The following NOTCH4 variants were observed in gnomAD, a reference collection of about 807,000 sequenced individuals.
NOTCH4 encodes the protein notch receptor 4.
NOTCH4 carries 138 observed loss-of-function variants against 189.0 expected under a neutral mutation model. That is an observed-to-expected ratio of 0.73 (90% CI 0.64 to 0.84). The LOEUF is 0.84. Ranked by LOEUF, NOTCH4 falls within the 40% of genes least tolerant of loss-of-function variation. The pLI is 0.00. For missense variants in NOTCH4, 2,286 were observed against 2,605.4 expected, an observed-to-expected ratio of 0.88 and a Z score of 2.67; for synonymous variants, 942 against 1,032.8, an observed-to-expected ratio of 0.91 and a Z score of 1.69.
intron 4 of NOTCH4, 34 bp downstream of exon 4, chr6:32,220,944 G>C (rs1789729048): frequency 3.1e-6 from 5 of 1,594,484 alleles, no homozygotes; most frequent in Non-Finnish European, 4.3e-6. Flanking sequence ...TGCCCAGAGA[G>C]AGGGGCGGCC....
At chr6:32,214,631 AT>A (rs9279511) in intron 12 of NOTCH4, among the ~76,000 whole-genome samples, 84,937 of 145,944 alleles carry the variant, frequency 0.58, 24,480 homozygotes, top group South Asian at 0.63. Context: ...TGCTCAGCAG[AT>A]TTTTTTTTTT....
chr6:32,196,928 A>G lies in NOTCH4; in HGVS notation c.5197T>C (p.Trp1733Arg), dbSNP rs1481436280. 6.2e-7 allele frequency: 1 copy of G among 1,612,390 alleles called. No individual in the cohort carries two copies. Among genetic ancestry groups the G allele is most frequent in the Non-Finnish European group, 8.5e-7 (1 of 1,179,950 alleles). Residue 1733 changes from tryptophan (W) to arginine (R), a missense_variant, in exon 28 of 30, where the codon TGG becomes CGG. Coordinates refer to ENST00000375023, the MANE Select transcript of NOTCH4 (RefSeq NM_004557.4). ...AQADVGARDK[W>R]GKTALHWAAA... ...CATCACCCCTTCCTCTACATACCCC[A>G]TTTATCTCTGGCCCCCACGTCTGCT...
intron 18 of NOTCH4, 22 bp from the exon 19 acceptor site, chr6:32,204,411 CAG>C: frequency 6.2e-7 from 1 of 1,608,314 alleles, no homozygotes; most frequent in Non-Finnish European, 8.5e-7. Flanking sequence ...GAGGATTAGA[CAG>C]GGAACCAGTG....
chr6:32,211,641 ATAAG>A (rs913957488), intron 17 of NOTCH4, among the ~76,000 whole-genome samples: 5 of 133,096 alleles, frequency 3.8e-5, no homozygotes, highest in Middle Eastern at 3.8e-3. Context: ...AAATAAATAA[ATAAG>A]GTATGTGAGG....
rs940839933 is a variant in NOTCH4, at chr6:32,198,274, C to T, written c.4756+147G>A. 3.6e-6 allele frequency: 3 copies of T among 821,984 alleles called. No individual in the cohort carries two copies. In the African/African-American group the frequency reaches 5.2e-5, roughly 14 times the overall value. 50.9% of individuals were successfully genotyped at this position (821,984 alleles called of 1,614,324 possible). A position where few individuals can be genotyped will look rare whatever the true frequency, so the allele number is the denominator to read the frequency against. On this transcript the variant is annotated intron_variant, in intron 26 of 29. Transcript: ENST00000375023. This position sits in a 1 kb window ranked among gnomAD's most constrained non-coding sequence, Gnocchi z 5.5. ...AAATTCCCAGGTGATGCTGATTTTG[C>T]TGTCTGAGGACCACACTTTGAGAAT...
At position 32,202,210 on chromosome 6, in the gene NOTCH4, G is replaced by C. The variant is rs779136516; in HGVS notation, c.3621C>G (p.Val1207=). The C allele has an allele frequency of 3.9e-6, 6 of 1,540,024 alleles. No homozygotes were observed. The African/African-American group carries it at 8.3e-5, about 21-fold the overall frequency. Residue 1207 remains valine, a synonymous_variant, in exon 21 of 30, where the codon GTC becomes GTG. Transcript: ENST00000375023. This position sits in a 1 kb window ranked among gnomAD's most constrained non-coding sequence, Gnocchi z 5.7. ...AGGGGCAGCCCTTCCAGGGGTCTGG[G>C]ACTCCCAGAGAGCAGTCCCCTCCAT... ...NWDGGDCSLG[V]PDPWKGCPSH...
At chr6:32,209,342 GT>G (rs1213807553) in intron 18 of NOTCH4, among the ~76,000 whole-genome samples, 6 of 152,170 alleles carry the variant, frequency 3.9e-5, no homozygotes, top group African/African-American at 1.4e-4. Context: ...GTTACCAGAG[GT>G]TAGAAAGGGT....
Position 32,197,191 on chromosome 6 carries a change from G to T in NOTCH4, c.5052+108C>A. On this transcript the variant is annotated intron_variant, in intron 27 of 29. Coordinates refer to ENST00000375023, the MANE Select transcript of NOTCH4 (RefSeq NM_004557.4). ...CCATCCTCCGCAGTTTCCCTGTCAG[G>T]TTCCCAATCACACCAATTTCCTCCT... is the stretch of plus-strand genomic sequence containing the variant. 4 of 1,514,362 alleles carry T rather than the reference G, an allele frequency of 2.6e-6. No homozygotes were observed. In the South Asian group the frequency reaches 5.0e-5, roughly 19 times the overall value. The allele number at this position is 1,514,362 out of a possible 1,614,324, so 93.8% of individuals were successfully genotyped here. A position where few individuals can be genotyped will look rare whatever the true frequency, so the allele number is the denominator to read the frequency against.
chr6:32,197,819 CTT>C (rs9281668), intron 26 of NOTCH4, among the ~76,000 whole-genome samples: 2 of 132,974 alleles, frequency 1.5e-5, no homozygotes, highest in Non-Finnish European at 3.2e-5. Context: ...GTGGTTTTCT[CTT>C]TTTTTTTTTT....
chr6:32,197,114 C>T (rs1420567950), intron 27 of NOTCH4, 42 bp from the exon 28 acceptor site: 1 of 1,604,302 alleles, frequency 6.2e-7, no homozygotes, highest in African/African-American at 1.3e-5. Context: ...GTACCTTGGA[C>T]TGCCAACTCG....
intron 14 of NOTCH4, 35 bp from the exon 15 acceptor site, chr6:32,213,287 T>C: frequency 6.7e-7 from 1 of 1,488,724 alleles, no homozygotes; most frequent in Non-Finnish European, 9.4e-7. Flanking sequence ...TTGGGTTCCT[T>C]GCCTGTAACC....
intron 18 of NOTCH4, 65 bp from the exon 19 acceptor site, chr6:32,204,454 C>T (rs1788553747): frequency 6.4e-7 from 1 of 1,570,194 alleles, no homozygotes; most frequent in African/African-American, 1.3e-5. Context: ...ACAAGGGACC[C>T]AGCTCAAGAT....
rs149381210 is a variant in NOTCH4 at position 32,217,277 on chromosome 6, G to A, written c.1625-11C>T. ...GGGTGCCGGAGAATCCTGGTGGGGCGGAAGTGGGTGGGGAGAGGAGGCCAA... is the reference window on the plus strand; with the variant it reads ...GGGTGCCGGAGAATCCTGGTGGGGCAGAAGTGGGTGGGGAGAGGAGGCCAA... On this transcript the variant is annotated splice_polypyrimidine_tract_variant and intron_variant, in intron 9 of 29. Coordinates refer to ENST00000375023, the MANE Select transcript of NOTCH4 (RefSeq NM_004557.4). This position sits in a 1 kb window ranked among gnomAD's most constrained non-coding sequence, Gnocchi z 4.2. The A allele has an allele frequency of 2.3e-3, 3,721 of 1,590,448 alleles. 12 individuals are homozygous for A. Among genetic ancestry groups the A allele is most frequent in the Non-Finnish European group, 2.9e-3 (3,392 of 1,159,950 alleles).
Position 32,217,111 on chromosome 6 carries a change from C to G in NOTCH4, c.1738+42G>C. 6.2e-7 allele frequency: 1 copy of G among 1,613,068 alleles called. No individual in the cohort carries two copies. Among genetic ancestry groups the G allele is most frequent in the Non-Finnish European group, 8.5e-7 (1 of 1,180,002 alleles). On this transcript the variant is annotated intron_variant, in intron 10 of 29. Transcript: ENST00000375023. The surrounding 1 kb of genome is among the most constrained non-coding windows in gnomAD (Gnocchi z 4.2). ...GTCAGGGACCTGCACGGATGTCTGC[C>G]TCCTGCTCCCGCTGTCCCCCACAGT...
Position 32,200,357 on chromosome 6 carries a change from C to G in NOTCH4, c.4315+474G>C, listed in dbSNP as rs1788262019. ...TCCTGAGTAGCTGAGACTACAAGCA[C>G]CCGCCACCACAGCCGGCTAATTTTT... On this transcript the variant is annotated intron_variant, in intron 23 of 29. Coordinates refer to ENST00000375023, the MANE Select transcript of NOTCH4 (RefSeq NM_004557.4). This position sits in a 1 kb window ranked among gnomAD's most constrained non-coding sequence, Gnocchi z 5.0. Among the ~76,000 whole-genome samples, 2 of 152,070 alleles carry G rather than the reference C, an allele frequency of 1.3e-5. No individual in the cohort carries two copies. The highest frequency in any genetic ancestry group is 4.1e-4 in the South Asian group (2 of 4,820).
Position 32,204,481 on chromosome 6 carries a change from C to G in NOTCH4, c.2866-92G>C, listed in dbSNP as rs1388652534. The G allele has an allele frequency of 3.6e-6, 5 of 1,400,874 alleles. No individual in the cohort carries two copies. The Admixed American group carries it at 1.0e-4, about 28-fold the overall frequency. 86.8% of individuals were successfully genotyped at this position (1,400,874 alleles called of 1,614,324 possible). A position where few individuals can be genotyped will look rare whatever the true frequency, so the allele number is the denominator to read the frequency against. On this transcript the variant is annotated intron_variant, in intron 18 of 29. Transcript: ENST00000375023. ...GCTCAAGATAGTCTGTCCAGTCCCC[C>G]ACCTTCCAGCTCAACAGCATCACTC...
In NOTCH4 at chr6:32,204,392, GCAGA is replaced by G; in HGVS notation, c.2866-7_2866-4del. The G allele has an allele frequency of 6.2e-7, 1 of 1,612,484 alleles. No homozygotes were observed. The highest frequency in any genetic ancestry group is 8.5e-7 in the Non-Finnish European group (1 of 1,179,580). Reference sequence around the variant, plus strand: ...TGTCCATCGTAGCCTGGGGCACACTGCAGACAAAGAGGATTAGACAGGGAACCAG... The same window carrying G: ...TGTCCATCGTAGCCTGGGGCACACTGCAAAGAGGATTAGACAGGGAACCAG... On this transcript the variant is annotated splice_polypyrimidine_tract_variant and splice_region_variant and intron_variant, in intron 18 of 29. Transcript: ENST00000375023.
chr6:32,219,043 C>T (rs562078157), intron 8 of NOTCH4, among the ~76,000 whole-genome samples: 7 of 152,154 alleles, frequency 4.6e-5, no homozygotes, highest in Non-Finnish European at 1.0e-4. Flanking sequence ...TCATTCAACT[C>T]CTTGATGTTG....
Position 32,198,867 on chromosome 6 carries a change from G to A in NOTCH4, c.4535+59C>T. The A allele has an allele frequency of 6.8e-7, 1 of 1,470,586 alleles. No individual in the cohort carries two copies. Among genetic ancestry groups the A allele is most frequent in the Non-Finnish European group, 9.2e-7 (1 of 1,089,192 alleles). The allele number at this position is 1,470,586 out of a possible 1,614,324, so 91.1% of individuals were successfully genotyped here. On this transcript the variant is annotated intron_variant, in intron 24 of 29. Transcript: ENST00000375023. The surrounding 1 kb of genome is among the most constrained non-coding windows in gnomAD (Gnocchi z 5.5). The stretch of plus-strand genomic sequence containing the variant: ...ATAGTATTTCTTATCTTTTCTGATT[G>A]TAAATATCGCCATAGGAGAGACTCC...
Sources: gnomAD v4.1 joint callset for allele counts (sites outside exome capture counted in the v4.1 genomes callset) on GRCh38, gnomAD v4.1.1 for gene constraint, Gnocchi (gnomAD v3.1) non-coding constraint, MANE v1.5 for transcripts, NCBI Gene and HGNC (gene_info 2026-07-23, HGNC 2026-07-21) for gene names.